Variants in ZFR2 observed in about 807,000 individuals in gnomAD.
ZFR2 encodes zinc finger RNA-binding protein 2.
Under a neutral mutation model 105.7 loss-of-function variants are expected in ZFR2, and 104 were observed. The ratio of observed to expected loss-of-function variants is 0.98; its 90% confidence interval spans 0.84 to 1.16. The LOEUF is 1.16. Among genes scored for constraint, ZFR2 ranks in the 50% most tolerant of loss-of-function variants. ZFR2 has a pLI of 0.00. For synonymous variants in ZFR2, 634 were observed against 597.7 expected, an observed-to-expected ratio of 1.06 and a Z score of -0.89; for missense variants, 1,425 against 1,355.5, an observed-to-expected ratio of 1.05 and a Z score of -0.80.
intron 1 of ZFR2, among the ~76,000 whole-genome samples, chr19:3,846,990 A>T (rs529823660): frequency 6.6e-6 from 1 of 152,362 alleles, no homozygotes; most frequent in African/African-American, 2.4e-5. Context: ...ATGAGAGGTC[A>T]GCGGCGGGCA....
intron 1 of ZFR2, among the ~76,000 whole-genome samples, chr19:3,864,946 A>C (rs2038413390): frequency 6.6e-6 from 1 of 151,886 alleles, no homozygotes; most frequent in African/African-American, 2.4e-5. Flanking sequence ...ATTGGGTTTC[A>C]CCATGTTGGC....
chr19:3,862,626 G>A (rs545558077), intron 1 of ZFR2, among the ~76,000 whole-genome samples: 8 of 152,270 alleles, frequency 5.3e-5, no homozygotes, highest in Middle Eastern at 3.4e-3. Flanking sequence ...CAAGTAAGAT[G>A]AAAAATCAAA....
At chr19:3,822,518 C>T (rs576394958) in intron 8 of ZFR2, among the ~76,000 whole-genome samples, 32 of 151,976 alleles carry the variant, frequency 2.1e-4, no homozygotes, top group South Asian at 4.2e-4. Context: ...CCAGCCTGGT[C>T]AACATAGCGA....
chr19:3,814,028 G>A (rs2037800061), intron 13 of ZFR2, 70 bp from the exon 14 acceptor site: 1 of 1,585,816 alleles, frequency 6.3e-7, no homozygotes, highest in Non-Finnish European at 8.6e-7. Flanking sequence ...CAGCCAGGAT[G>A]TGGTTGGTGT....
intron 9 of ZFR2, 100 bp from the exon 10 acceptor site, chr19:3,821,579 G>T: frequency 8.1e-5 from 59 of 729,330 alleles, no homozygotes; most frequent in Non-Finnish European, 1.0e-4. Context: ...GACTAGAACT[G>T]TTGGGCTGAA....
intron 14 of ZFR2, 98 bp from the exon 15 acceptor site, chr19:3,811,464 T>A: frequency 8.7e-7 from 1 of 1,149,944 alleles, no homozygotes; most frequent in Non-Finnish European, 1.2e-6. Context: ...TCGACGCTTT[T>A]TTTTTTTTGA....
intron 1 of ZFR2, among the ~76,000 whole-genome samples, chr19:3,847,995 A>G (rs1392913758): frequency 4.6e-5 from 7 of 152,228 alleles, no homozygotes; most frequent in Admixed American, 4.6e-4. Flanking sequence ...TTGGTTTTGT[A>G]CAATCTACAG....
intron 5 of ZFR2, among the ~76,000 whole-genome samples, chr19:3,830,040 T>C (rs2037993884): frequency 6.6e-6 from 1 of 152,160 alleles, no homozygotes; most frequent in African/African-American, 2.4e-5. Flanking sequence ...GGGACTCAGC[T>C]TGTCATCCTG....
intron 1 of ZFR2, among the ~76,000 whole-genome samples, chr19:3,862,768 C>T (rs960189953): frequency 3.3e-5 from 5 of 152,228 alleles, no homozygotes; most frequent in African/African-American, 7.2e-5. Context: ...AGCTGCCTCT[C>T]GGATTCTCTT....
chr19:3,808,585 G>A (rs944209980), intron 17 of ZFR2, among the ~76,000 whole-genome samples: 18 of 152,238 alleles, frequency 1.2e-4, no homozygotes, highest in African/African-American at 4.1e-4. Context: ...CTGTGCCGCC[G>A]CCGGTGGGCG....
chr19:3,824,967 G>A (rs2037932840), intron 7 of ZFR2, among the ~76,000 whole-genome samples: 1 of 152,066 alleles, frequency 6.6e-6, no homozygotes, highest in South Asian at 2.1e-4. Flanking sequence ...AACTCTACAG[G>A]AAGAAATGGC....
At chr19:3,825,028 G>A (rs921691445) in intron 7 of ZFR2, among the ~76,000 whole-genome samples, 6 of 152,160 alleles carry the variant, frequency 3.9e-5, no homozygotes, top group Non-Finnish European at 1.5e-5. Context: ...GTCTCAAAGG[G>A]TCTCCAAGGT....
intron 5 of ZFR2, among the ~76,000 whole-genome samples, chr19:3,828,962 C>CT (rs34334054): frequency 0.4 from 55,386 of 139,676 alleles, 10,899 homozygotes; most frequent in East Asian, 0.43. Flanking sequence ...ACTTAGGAAT[C>CT]TTTTTTTTTT....
chr19:3,843,092 GA>G (rs149155477), intron 1 of ZFR2, among the ~76,000 whole-genome samples: 24,955 of 152,188 alleles, frequency 0.16, 2,911 homozygotes, highest in African/African-American at 0.34. Flanking sequence ...AAAGAAAGCA[GA>G]GGCTCAAGAA....
At chr19:3,811,472 TGA>T in intron 14 of ZFR2, 106 bp from the exon 15 acceptor site, 1 of 989,614 alleles carries the variant, frequency 1.0e-6, no homozygotes, top group Non-Finnish European at 1.5e-6. Flanking sequence ...TTTTTTTTTT[TGA>T]GACACAGTTT....
At position 3,831,488 on chromosome 19, in the gene ZFR2, G is replaced by T. The variant is rs201856128; in HGVS notation, c.667C>A (p.Pro223Thr). The T allele has an allele frequency of 1.5e-4, 237 of 1,550,680 alleles. No individual in the cohort carries two copies. The highest frequency in any genetic ancestry group is 1.7e-4 in the Middle Eastern group (1 of 5,868). Residue 223 changes from proline (P) to threonine (T), a missense_variant, in exon 5 of 19, where the codon CCC becomes ACC. Transcript: ENST00000262961. Reference sequence around the variant, plus strand: ...TGCGGGGGTCCCGGGGGAGGCGGGGGCTGCGCTGGAGGATAGAAAGGGCTG... The same window carrying T: ...TGCGGGGGTCCCGGGGGAGGCGGGGTCTGCGCTGGAGGATAGAAAGGGCTG... ...AASPFYPPAQPPPPPGPPQQL... is the reference protein window; with the variant it reads ...AASPFYPPAQTPPPPGPPQQL...
Position 3,807,184 on chromosome 19 carries a change from G to T in ZFR2, c.2631C>A (p.Thr877=), listed in dbSNP as rs577268508. Residue 877 remains threonine (T), a synonymous_variant, in exon 18 of 19, where the codon ACC becomes ACA. Coordinates refer to ENST00000262961, the MANE Select transcript of ZFR2 (RefSeq NM_015174.2). ...TTGACCCTCCTACCTGGGCGCTGGC[G>T]GTCACGTCTTCCCGCTCTTGGAGGG... The part of the protein sequence containing the change: ...PMTLQEREDV[T]ASAQHALRML... 4 of 1,554,562 alleles carry T rather than the reference G, an allele frequency of 2.6e-6. No individual in the cohort carries two copies. The African/African-American group carries it at 5.5e-5, about 21-fold the overall frequency.
chr19:3,817,742 C>T (rs1237350995), intron 12 of ZFR2, among the ~76,000 whole-genome samples: 1 of 122,188 alleles, frequency 8.2e-6, no homozygotes, highest in Non-Finnish European at 1.6e-5. Context: ...GGCAACAGAG[C>T]AAGACTCAGT....
At chr19:3,821,762 C>T (rs2037896216) in intron 9 of ZFR2, among the ~76,000 whole-genome samples, 2 of 151,754 alleles carry the variant, frequency 1.3e-5, no homozygotes, top group South Asian at 4.2e-4. Flanking sequence ...TACAGGTGCG[C>T]ACCACCACAC....
Sources: allele counts gnomAD v4.1 joint callset (sites outside exome capture counted in the v4.1 genomes callset), GRCh38; gene constraint gnomAD v4.1.1; transcripts MANE v1.5; gene names NCBI Gene and HGNC (gene_info 2026-07-23, HGNC 2026-07-21).